The following NT5DC1 variants were observed in gnomAD, a reference collection of about 807,000 sequenced individuals.
NT5DC1 encodes the protein 5'-nucleotidase domain containing 1, also known as 5'-nucleotidase domain-containing protein 1.
Under a neutral mutation model 59.4 loss-of-function variants are expected in NT5DC1, and 42 were observed. The ratio of observed to expected loss-of-function variants is 0.71; its 90% confidence interval spans 0.55 to 0.92. The LOEUF (loss-of-function observed/expected upper bound fraction) is 0.92, where lower values mean the gene tolerates loss of function less well. Ranked by LOEUF, NT5DC1 falls within the 40% of genes least tolerant of loss-of-function variation. NT5DC1 has a pLI of 0.00. For missense variants in NT5DC1, 501 were observed against 537.1 expected, an observed-to-expected ratio of 0.93 and a Z score of 0.66; for synonymous variants, 172 against 188.1, an observed-to-expected ratio of 0.91 and a Z score of 0.70.
rs17077572 is a variant in NT5DC1 at position 116,113,252 on chromosome 6, A to C, written c.364+2296A>C. On this transcript the variant is annotated intron_variant, in intron 4 of 11. Coordinates refer to ENST00000319550, the MANE Select transcript of NT5DC1 (RefSeq NM_152729.3). The stretch of plus-strand genomic sequence containing the variant: ...TCAGTTTTCTCATCTTTGAGTGGAG[A>C]TAATACCACCTTTGCAGAAGTGAGA... 9.6e-3 allele frequency among the ~76,000 whole-genome samples: 1,469 copies of C among 152,312 alleles called. 18 individuals are homozygous for C. The highest frequency in any genetic ancestry group is 0.032 in the African/African-American group (1,328 of 41,568).
At chr6:116,237,591 G>A (rs903909995) in intron 9 of NT5DC1, 2 of 449,186 alleles carry the variant, frequency 4.5e-6, no homozygotes, top group Non-Finnish European at 9.0e-6. Flanking sequence ...ACTTGCAGAT[G>A]CTGATTCTCA....
At chr6:116,151,234 C>T (rs1780029434) in intron 6 of NT5DC1, among the ~76,000 whole-genome samples, 1 of 152,180 alleles carries the variant, frequency 6.6e-6, no homozygotes. Flanking sequence ...CAAACCCCCA[C>T]ATTTTAAAGA....
At chr6:116,123,700 A>T (rs771171282) in intron 6 of NT5DC1, among the ~76,000 whole-genome samples, 1 of 152,212 alleles carries the variant, frequency 6.6e-6, no homozygotes, top group Non-Finnish European at 1.5e-5. Context: ...ATGTCTGCCA[A>T]TGGATGATAG....
chr6:116,213,838 G>C (rs975767201), intron 6 of NT5DC1, among the ~76,000 whole-genome samples: 3 of 152,068 alleles, frequency 2.0e-5, no homozygotes, highest in African/African-American at 7.2e-5. Flanking sequence ...GTAAGTAGAA[G>C]GGGTGGAAGG....
intron 6 of NT5DC1, among the ~76,000 whole-genome samples, chr6:116,143,120 A>C (rs936160248): frequency 6.6e-6 from 1 of 152,202 alleles, no homozygotes; most frequent in Non-Finnish European, 1.5e-5. Flanking sequence ...AATGCCTGAT[A>C]AATTTGCCTC....
chr6:116,150,219 G>A (rs1780004360), intron 6 of NT5DC1, among the ~76,000 whole-genome samples: 1 of 152,138 alleles, frequency 6.6e-6, no homozygotes, highest in Non-Finnish European at 1.5e-5. Context: ...CACATGGAGA[G>A]CATGCTGAGG....
At chr6:116,228,886 C>T (rs1329880761) in intron 8 of NT5DC1, among the ~76,000 whole-genome samples, 2 of 152,162 alleles carry the variant, frequency 1.3e-5, no homozygotes, top group African/African-American at 4.8e-5. Flanking sequence ...CTCCTTTCTT[C>T]TCCTGTTGTC....
At chr6:116,204,683 A>G (rs1200589410) in intron 6 of NT5DC1, among the ~76,000 whole-genome samples, 3 of 151,992 alleles carry the variant, frequency 2.0e-5, no homozygotes, top group African/African-American at 7.2e-5. Flanking sequence ...TCCAGAATTT[A>G]TAATGAAAAA....
intron 6 of NT5DC1, among the ~76,000 whole-genome samples, chr6:116,185,075 A>G (rs1270917854): frequency 2.0e-5 from 3 of 152,014 alleles, no homozygotes. Flanking sequence ...TATTATCATT[A>G]AGTTTAAAGA....
intron 9 of NT5DC1, among the ~76,000 whole-genome samples, chr6:116,237,972 G>A (rs1169825417): frequency 6.6e-6 from 1 of 152,192 alleles, no homozygotes; most frequent in Non-Finnish European, 1.5e-5. Context: ...CTGTGAATGT[G>A]TTGTATAACT....
At chr6:116,178,701 A>G (rs1365805899) in intron 6 of NT5DC1, among the ~76,000 whole-genome samples, 3 of 152,198 alleles carry the variant, frequency 2.0e-5, no homozygotes. Context: ...ACTTCCAGAA[A>G]TATAGAGCAG....
chr6:116,143,029 G>A (rs1350329452), intron 6 of NT5DC1, among the ~76,000 whole-genome samples: 1 of 152,106 alleles, frequency 6.6e-6, no homozygotes, highest in Non-Finnish European at 1.5e-5. Context: ...AGAAGACTAT[G>A]GTTCTGTCCT....
chr6:116,229,107 C>T (rs1298213133), intron 8 of NT5DC1, among the ~76,000 whole-genome samples: 1 of 152,164 alleles, frequency 6.6e-6, no homozygotes, highest in Non-Finnish European at 1.5e-5. Context: ...TAGCATGCCC[C>T]TCTTCCCATA....
Position 116,239,074 on chromosome 6 carries a change from A to G in NT5DC1, c.1203A>G (p.Arg401=). Residue 401 remains arginine, a synonymous_variant, in exon 11 of 12, where the codon AGA becomes AGG. Transcript: ENST00000319550. ...TGGTTTATACATGGTCTTGTAAGAG[A>G]ATCAGTACTTACAGCACTATTGCAA... The part of the protein sequence containing the change: ...DSLVYTWSCK[R]ISTYSTIAIP... The G allele has an allele frequency of 1.2e-6, 2 of 1,612,032 alleles. No individual in the cohort carries two copies. Among genetic ancestry groups the G allele is most frequent in the Non-Finnish European group, 1.7e-6 (2 of 1,178,352 alleles).
chr6:116,238,956 G>T lies in NT5DC1; in HGVS notation c.1085G>T (p.Gly362Val). 6.3e-7 allele frequency: 1 copy of T among 1,582,230 alleles called. No individual in the cohort carries two copies. The highest frequency in any genetic ancestry group is 1.1e-5 in the South Asian group (1 of 89,654). ...AATTATTCTGTTCTCTTGTTTCAGG[G>T]ACCAAAAGCAAAACCTTTAAATACT... is the stretch of plus-strand genomic sequence containing the variant. ...EPLEKKGKYE[G>V]PKAKPLNTSS... Residue 362 changes from glycine (G) to valine (V), a missense_variant and splice_region_variant, in exon 11 of 12, where the codon GGA becomes GTA. By Grantham distance (109) the Gly-to-Val change is moderately radical. Coordinates refer to ENST00000319550, the MANE Select transcript of NT5DC1 (RefSeq NM_152729.3).
intron 6 of NT5DC1, among the ~76,000 whole-genome samples, chr6:116,162,157 T>G (rs1582844643): frequency 6.6e-6 from 1 of 152,156 alleles, no homozygotes; most frequent in Non-Finnish European, 1.5e-5. Context: ...AGTTATTGAT[T>G]AGGTCCAGGA....
chr6:116,141,754 CTTTTG>C (rs1484056716), intron 6 of NT5DC1, among the ~76,000 whole-genome samples: 2 of 148,466 alleles, frequency 1.3e-5, no homozygotes, highest in Non-Finnish European at 3.0e-5. Context: ...ACATTTTCTT[CTTTTG>C]TTTTTTTTTT....
chr6:116,167,304 C>T (rs1047114060), intron 6 of NT5DC1, among the ~76,000 whole-genome samples: 5 of 150,866 alleles, frequency 3.3e-5, no homozygotes, highest in African/African-American at 7.3e-5. Flanking sequence ...CTTCCGCCTC[C>T]CAGGTTCCAG....
chr6:116,184,854 T>G (rs1172338888), intron 6 of NT5DC1, among the ~76,000 whole-genome samples: 1 of 152,072 alleles, frequency 6.6e-6, no homozygotes. Context: ...TTATGTTTTG[T>G]AATTTTTTTT....
Sources: allele counts gnomAD v4.1 joint callset (sites outside exome capture counted in the v4.1 genomes callset), GRCh38; gene constraint gnomAD v4.1.1; transcripts MANE v1.5; gene names NCBI Gene and HGNC (gene_info 2026-07-23, HGNC 2026-07-21).